TRPA1: variants seen among roughly 807,000 people sequenced by gnomAD.
TRPA1 encodes transient receptor potential cation channel subfamily A member 1.
In TRPA1, 129 loss-of-function variants were observed where a neutral mutation model predicts 131.3. The observed-to-expected ratio is 0.98, with a 90% CI of 0.85 to 1.14. The LOEUF is 1.14. Ranked by LOEUF, TRPA1 falls within the 50% of genes most tolerant of loss-of-function variation. The pLI is 0.00. For synonymous variants in TRPA1, 441 were observed against 451.7 expected, an observed-to-expected ratio of 0.98 and a Z score of 0.30; for missense variants, 1,304 against 1,354.2, an observed-to-expected ratio of 0.96 and a Z score of 0.58.
chr8:72,029,974 A>C lies in TRPA1; in HGVS notation c.2869-5T>G. 2.5e-6 allele frequency: 4 copies of C among 1,613,524 alleles called. No homozygotes were observed. Among genetic ancestry groups the C allele is most frequent in the Non-Finnish European group, 3.4e-6 (4 of 1,179,448 alleles). On this transcript the variant is annotated splice_polypyrimidine_tract_variant and splice_region_variant and intron_variant, in intron 23 of 26. Transcript: ENST00000262209. ...GTCGCCAACTGCCAAACCAATCTGA[A>C]GTATGACACAAAATTAAATCACTAC...
the TRPA1 span, among the ~76,000 whole-genome samples, chr8:72,081,117 C>G: frequency 6.6e-6 from 1 of 151,628 alleles, no homozygotes; most frequent in Non-Finnish European, 1.5e-5. Flanking sequence ...GTAGAACATT[C>G]AGTTGTTGAT....
chr8:72,036,028 A>AAAAGAAGAAG (rs1812035431), intron 21 of TRPA1, among the ~76,000 whole-genome samples: 1 of 141,000 alleles, frequency 7.1e-6, no homozygotes, highest in African/African-American at 2.7e-5. Context: ...AAAAAAAAAA[A>AAAAGAAGAAG]AAGAAGAAGA....
At chr8:72,052,787 A>G (rs1805545495) in intron 13 of TRPA1, 22 bp from the exon 14 acceptor site, 1 of 1,611,764 alleles carries the variant, frequency 6.2e-7, no homozygotes, top group Non-Finnish European at 8.5e-7. Flanking sequence ...AAACAGACAC[A>G]GAAAACGTGG....
At chr8:72,067,713 A>G (rs1417931052) in intron 3 of TRPA1, among the ~76,000 whole-genome samples, 1 of 152,224 alleles carries the variant, frequency 6.6e-6, no homozygotes, top group Admixed American at 6.5e-5. Context: ...GAGTCCCTGT[A>G]GTCACTAGTG....
rs1308179515 is a variant in TRPA1 at position 72,061,516 on chromosome 8, T to C, written c.944+109A>G. ...TCTTTGTTATCTTTGCCCTTTTCCT[T>C]TGAACCACAAAATCTTTGCTAGCAT... is the stretch of plus-strand genomic sequence containing the variant. On this transcript the variant is annotated intron_variant, in intron 7 of 26. Coordinates refer to ENST00000262209, the MANE Select transcript of TRPA1 (RefSeq NM_007332.3). 1.2e-5 allele frequency: 17 copies of C among 1,379,326 alleles called. No individual in the cohort carries two copies. The South Asian group carries it at 1.4e-4, about 11-fold the overall frequency. The allele number at this position is 1,379,326 out of a possible 1,614,324, so 85.4% of individuals were successfully genotyped here. A position where few individuals can be genotyped will look rare whatever the true frequency, so the allele number is the denominator to read the frequency against.
the TRPA1 span, among the ~76,000 whole-genome samples, chr8:72,087,952 A>G: frequency 6.6e-6 from 1 of 152,312 alleles, no homozygotes; most frequent in South Asian, 2.1e-4. Context: ...TTCTGGGAAC[A>G]GGAGCTCCTT....
rs947705446 is a variant in TRPA1, at chr8:72,022,178, C to T, written c.*728G>A. 1 of 152,100 alleles carries T rather than the reference C, an allele frequency of 6.6e-6. No homozygotes were observed. The highest frequency in any genetic ancestry group is 1.5e-5 in the Non-Finnish European group (1 of 68,142). The allele number at this position is 152,100 out of a possible 1,614,324, so 9.4% of individuals were successfully genotyped here. A position where few individuals can be genotyped will look rare whatever the true frequency, so the allele number is the denominator to read the frequency against. On this transcript the variant is annotated 3_prime_UTR_variant, in exon 27 of 27. Transcript: ENST00000262209. ...GTTGTTTTCAAATCTCAAACAAAGGCTCATACAATAATCACAGGGATACTA... is the reference window on the plus strand; with the variant it reads ...GTTGTTTTCAAATCTCAAACAAAGGTTCATACAATAATCACAGGGATACTA...
chr8:72,056,020 T>A, intron 10 of TRPA1, 165 bp from the exon 11 acceptor site: 1 of 673,456 alleles, frequency 1.5e-6, no homozygotes, highest in Non-Finnish European at 2.6e-6. Flanking sequence ...TAAATATGAA[T>A]GAAGTTGAAT....
In TRPA1 at chr8:72,050,793, G is replaced by T; in HGVS notation, c.1890C>A (p.Leu630=). 1.2e-6 allele frequency: 2 copies of T among 1,610,004 alleles called. No individual in the cohort carries two copies. Among genetic ancestry groups the T allele is most frequent in the Non-Finnish European group, 8.5e-7 (1 of 1,177,252 alleles). Reference sequence around the variant, plus strand: ...GAGAATTTACCTTCATGCATTCAGGGAGGTATTCTATCATTTCTGTAATTG... The same window carrying T: ...GAGAATTTACCTTCATGCATTCAGGTAGGTATTCTATCATTTCTGTAATTG... ...KCPITEMIEY[L]PECMKVLLDF... is the part of the protein sequence containing the mutation. The change falls in exon 15 of 27, where the codon CTC becomes CTA. Residue 630 remains leucine (L), a synonymous_variant. Transcript: ENST00000262209.
chr8:72,048,882 CAT>C (rs1311411469), intron 15 of TRPA1, among the ~76,000 whole-genome samples: 1 of 152,118 alleles, frequency 6.6e-6, no homozygotes, highest in South Asian at 2.1e-4. Flanking sequence ...TATGTTTCCA[CAT>C]GTGAATATTT....
rs1478693578 is a variant in TRPA1, at chr8:72,071,870, A to G, written c.112-3T>C. On this transcript the variant is annotated splice_region_variant and splice_polypyrimidine_tract_variant and intron_variant, in intron 1 of 26. Coordinates refer to ENST00000262209, the MANE Select transcript of TRPA1 (RefSeq NM_007332.3). ...TATGCACTTCCTTCAAAAACCACCT[A>G]GAGGTATTTAAACACCATTATACCA... 1 of 1,611,174 alleles carries G rather than the reference A, an allele frequency of 6.2e-7. No individual in the cohort carries two copies. Among genetic ancestry groups the G allele is most frequent in the Non-Finnish European group, 8.5e-7 (1 of 1,179,548 alleles).
chr8:72,074,320 A>G (rs1406382584), intron 1 of TRPA1, among the ~76,000 whole-genome samples: 1 of 152,234 alleles, frequency 6.6e-6, no homozygotes, highest in African/African-American at 2.4e-5. Context: ...TACAAGTGCC[A>G]ATTTGAAATG....
At position 72,039,589 on chromosome 8, in the gene TRPA1, A is replaced by G. The variant is rs1812176890; in HGVS notation, c.2132+138T>C. The G allele has an allele frequency of 6.3e-6, 4 of 630,270 alleles. No homozygotes were observed. In the East Asian group the frequency reaches 8.4e-5, roughly 13 times the overall value. 39.0% of individuals were successfully genotyped at this position (630,270 alleles called of 1,614,324 possible). ...CTTTAAGTTCTAGGGCATTTGCCTT[A>G]CTTATTTCTTCAAAGTAAAAACATT... On this transcript the variant is annotated intron_variant, in intron 18 of 26. Transcript: ENST00000262209.
In TRPA1 at chr8:72,062,827, T is replaced by C. The variant is rs1299689382; in HGVS notation, c.779A>G (p.Asp260Gly). Residue 260 changes from aspartate to glycine, a missense_variant, in exon 6 of 27, where the codon GAC becomes GGC. Asp to Gly is a moderately conservative substitution (Grantham distance 94). Coordinates refer to ENST00000262209, the MANE Select transcript of TRPA1 (RefSeq NM_007332.3). ...GDLEMIKMCL[D>G]NGAQIDPVEK... ...CACTGGGTCTATTTGTGCACCATTGTCCAGGCACATTTTGATCATTTCCAA... is the reference window on the plus strand; with the variant it reads ...CACTGGGTCTATTTGTGCACCATTGCCCAGGCACATTTTGATCATTTCCAA... 1 of 1,613,966 alleles carries C rather than the reference T, an allele frequency of 6.2e-7. No homozygotes were observed. Among genetic ancestry groups the C allele is most frequent in the East Asian group, 2.2e-5 (1 of 44,882 alleles).
intron 25 of TRPA1, 38 bp from the exon 26 acceptor site, chr8:72,023,949 C>G: frequency 7.2e-7 from 1 of 1,383,710 alleles, no homozygotes; most frequent in Non-Finnish European, 1.0e-6. Context: ...AAATTGAATT[C>G]AATTCAGGAA....
intron 2 of TRPA1, 120 bp from the exon 3 acceptor site, chr8:72,069,318 A>G (rs2129436595): frequency 2.0e-6 from 2 of 997,384 alleles, no homozygotes; most frequent in Admixed American, 1.9e-5. Context: ...GCATCTTTTT[A>G]TGGAAACTAA....
chr8:72,041,753 T>C (rs1812258494), intron 17 of TRPA1, among the ~76,000 whole-genome samples: 1 of 151,728 alleles, frequency 6.6e-6, no homozygotes, highest in African/African-American at 2.4e-5. Context: ...ACTTATGTTA[T>C]AAAAGAAGAA....
At chr8:72,074,485 C>T (rs1408354186) in intron 1 of TRPA1, among the ~76,000 whole-genome samples, 1 of 152,028 alleles carries the variant, frequency 6.6e-6, no homozygotes, top group Non-Finnish European at 1.5e-5. Flanking sequence ...GTCCCTCTGT[C>T]GAAAGAGATT....
chr8:72,049,030 C>G (rs1342423629), intron 15 of TRPA1, among the ~76,000 whole-genome samples: 2 of 152,050 alleles, frequency 1.3e-5, no homozygotes, highest in Non-Finnish European at 2.9e-5. Flanking sequence ...ATTTATGTGT[C>G]CTTTGATGAG....
Sources: gnomAD v4.1 joint callset for allele counts (sites outside exome capture counted in the v4.1 genomes callset) on GRCh38, gnomAD v4.1.1 for gene constraint, MANE v1.5 for transcripts, NCBI Gene and HGNC (gene_info 2026-07-23, HGNC 2026-07-21) for gene names.